The following XIRP2 variants were observed in gnomAD, a reference collection of about 807,000 sequenced individuals.
XIRP2 encodes xin actin-binding repeat-containing protein 2.
XIRP2 carries 236 observed loss-of-function variants against 277.0 expected under a neutral mutation model. The observed-to-expected ratio is 0.85, with a 90% CI of 0.77 to 0.95. The LOEUF (loss-of-function observed/expected upper bound fraction) is 0.95, where lower values mean the gene tolerates loss of function less well. Among genes scored for constraint, XIRP2 ranks in the 40% least tolerant of loss-of-function variants. XIRP2 has a pLI of 0.00. For synonymous variants in XIRP2, 1,490 were observed against 1,416.5 expected (o/e 1.05, Z -1.17); for missense variants, 4,640 against 4,157.5 (o/e 1.12, Z -3.19).
At chr2:167,131,437 A>G (rs571974092) in intron 2 of XIRP2, among the ~76,000 whole-genome samples, 3 of 152,266 alleles carry the variant, frequency 2.0e-5, no homozygotes, top group African/African-American at 7.2e-5. Context: ...TAACATTGAA[A>G]TGTTCAGTAA....
intron 3 of XIRP2, among the ~76,000 whole-genome samples, chr2:167,202,308 A>G (rs943392837): frequency 1.3e-5 from 2 of 152,232 alleles, no homozygotes; most frequent in Non-Finnish European, 2.9e-5. Flanking sequence ...ATTTTCGTAT[A>G]TGCCCAAACT....
Position 167,245,831 on chromosome 2 carries a change from A to G in XIRP2, c.4439A>G (p.Glu1480Gly), listed in dbSNP as rs1695239471. The G allele has an allele frequency of 1.2e-6, 2 of 1,613,648 alleles. No individual in the cohort carries two copies. The highest frequency in any genetic ancestry group is 2.2e-5 in the South Asian group (2 of 91,076). ...GAAAATATCAAGACAGTCACTCAGG[A>G]AGATGTGCAGAAAGGTGATGTTAAG... ...EYENIKTVTQ[E>G]DVQKGDVKQA... The change falls in exon 9 of 11, where the codon GAA becomes GGA. Residue 1480 changes from glutamate (E) to glycine (G), a missense_variant. Glu to Gly is a moderately conservative substitution (Grantham distance 98). Coordinates refer to ENST00000409195, the MANE Select transcript of XIRP2 (RefSeq NM_152381.6).
At chr2:166,920,029 A>G (rs1315278632) in intron 2 of XIRP2, among the ~76,000 whole-genome samples, 2 of 152,168 alleles carry the variant, frequency 1.3e-5, no homozygotes, top group Middle Eastern at 3.4e-3. Flanking sequence ...AGGGCCCACA[A>G]ATTTTTGAGT....
intron 5 of XIRP2, among the ~76,000 whole-genome samples, chr2:167,218,836 T>C (rs1248771829): frequency 6.6e-6 from 1 of 152,210 alleles, no homozygotes; most frequent in Non-Finnish European, 1.5e-5. Context: ...TCCCATTTCA[T>C]TGATTTCATT....
At position 167,257,885 on chromosome 2, in the gene XIRP2, C is replaced by A. The variant is rs1315887255; in HGVS notation, c.*68C>A. ...GGGAAATTATGCATCACTTCATGGACAAATATACTGTAAACCTCACTTTAA... is the reference window on the plus strand; with the variant it reads ...GGGAAATTATGCATCACTTCATGGAAAAATATACTGTAAACCTCACTTTAA... On this transcript the variant is annotated 3_prime_UTR_variant, in exon 11 of 11. Coordinates refer to ENST00000409195, the MANE Select transcript of XIRP2 (RefSeq NM_152381.6). 6.2e-7 allele frequency: 1 copy of A among 1,605,234 alleles called. No individual in the cohort carries two copies. Among genetic ancestry groups the A allele is most frequent in the Admixed American group, 1.7e-5 (1 of 58,152 alleles).
At chr2:167,199,461 C>T (rs1439339668) in intron 3 of XIRP2, among the ~76,000 whole-genome samples, 1 of 152,146 alleles carries the variant, frequency 6.6e-6, no homozygotes, top group Admixed American at 6.5e-5. Context: ...CTACACATGA[C>T]CCAGCTTCAT....
intron 2 of XIRP2, among the ~76,000 whole-genome samples, chr2:167,064,045 T>C (rs1460350618): frequency 6.6e-6 from 1 of 151,764 alleles, no homozygotes; most frequent in East Asian, 1.9e-4. Context: ...ATATTTAAGA[T>C]ACCTTTTATG....
chr2:166,924,196 A>T (rs1685127619), intron 2 of XIRP2, among the ~76,000 whole-genome samples: 2 of 152,098 alleles, frequency 1.3e-5, no homozygotes, highest in South Asian at 4.1e-4. Flanking sequence ...TGCAACTATA[A>T]CAGAGACAGA....
At position 167,072,259 on chromosome 2, in the gene XIRP2, G is replaced by T. The variant is rs185791322; in HGVS notation, c.409-63650G>T. Reference sequence around the variant, plus strand: ...CCTCTCTGGAAATTGTTTTCTATATGGAATATTTTATGGGAGGGTATATAT... The same window carrying T: ...CCTCTCTGGAAATTGTTTTCTATATTGAATATTTTATGGGAGGGTATATAT... On this transcript the variant is annotated intron_variant, in intron 2 of 10. Transcript: ENST00000409195. Among the ~76,000 whole-genome samples the T allele has an allele frequency of 2.4e-3, 358 of 152,048 alleles. 2 individuals carry two copies. The highest frequency in any genetic ancestry group is 8.3e-3 in the African/African-American group (343 of 41,460).
intron 2 of XIRP2, among the ~76,000 whole-genome samples, chr2:167,086,559 C>T (rs1380973883): frequency 3.3e-5 from 5 of 151,986 alleles, no homozygotes; most frequent in South Asian, 2.1e-4. Context: ...GTTCCATTCT[C>T]CTCATCACTT....
At chr2:167,125,404 A>G (rs2105308224) in intron 2 of XIRP2, among the ~76,000 whole-genome samples, 1 of 152,302 alleles carries the variant, frequency 6.6e-6, no homozygotes, top group East Asian at 1.9e-4. Context: ...TACAGTAGGG[A>G]AACAGGATGA....
chr2:167,057,065 T>C (rs983923024), intron 2 of XIRP2, among the ~76,000 whole-genome samples: 13 of 152,168 alleles, frequency 8.5e-5, no homozygotes, highest in African/African-American at 3.1e-4. Context: ...TAATGAAAAC[T>C]GTGGATAAAA....
intron 2 of XIRP2, among the ~76,000 whole-genome samples, chr2:166,996,665 G>A (rs1397617150): frequency 2.0e-5 from 3 of 152,032 alleles, no homozygotes; most frequent in Non-Finnish European, 4.4e-5. Flanking sequence ...TGTCTAGTTG[G>A]CATTTTTTCA....
intron 2 of XIRP2, among the ~76,000 whole-genome samples, chr2:166,947,838 A>C (rs1157549669): frequency 6.6e-6 from 1 of 152,186 alleles, no homozygotes; most frequent in Non-Finnish European, 1.5e-5. Flanking sequence ...CATATTTGCC[A>C]AAACTTGGAG....
chr2:167,209,967 C>G lies in XIRP2; in HGVS notation c.563-768C>G, dbSNP rs149501044. 1.8e-4 allele frequency among the ~76,000 whole-genome samples: 27 copies of G among 152,190 alleles called. No individual in the cohort carries two copies. The East Asian group carries it at 4.9e-3, about 27-fold the overall frequency. ...AACTGCTATTCTGTGATTGTGCAAT[C>G]AGTCTTTAACACTACTTCCAGATAT... On this transcript the variant is annotated intron_variant, in intron 3 of 10. Coordinates refer to ENST00000409195, the MANE Select transcript of XIRP2 (RefSeq NM_152381.6).
At chr2:166,967,467 G>A (rs994553672) in intron 2 of XIRP2, among the ~76,000 whole-genome samples, 2 of 152,002 alleles carry the variant, frequency 1.3e-5, no homozygotes, top group Non-Finnish European at 2.9e-5. Context: ...CTGTTTGTCA[G>A]CACAAAGTTG....
At chr2:167,238,643 T>G (rs1213261963) in intron 5 of XIRP2, among the ~76,000 whole-genome samples, 2 of 152,174 alleles carry the variant, frequency 1.3e-5, no homozygotes, top group Admixed American at 1.3e-4. Flanking sequence ...AGTATACTAT[T>G]TTAATTAATA....
chr2:167,128,503 A>G (rs1455944438), intron 2 of XIRP2, among the ~76,000 whole-genome samples: 1 of 152,096 alleles, frequency 6.6e-6, no homozygotes, highest in African/African-American at 2.4e-5. Context: ...TACACATTCC[A>G]CAGGGCTCAC....
chr2:167,087,204 G>A (rs1363615221), intron 2 of XIRP2, among the ~76,000 whole-genome samples: 2 of 152,192 alleles, frequency 1.3e-5, no homozygotes, highest in South Asian at 2.1e-4. Flanking sequence ...ACCCTGCCGT[G>A]TGAGGTGTCA....
Sources: gnomAD v4.1 joint callset for allele counts (sites outside exome capture counted in the v4.1 genomes callset) on GRCh38, gnomAD v4.1.1 for gene constraint, MANE v1.5 for transcripts, NCBI Gene and HGNC (gene_info 2026-07-23, HGNC 2026-07-21) for gene names.